Variants in CCBE1 observed in about 807,000 individuals in gnomAD.
CCBE1 encodes collagen and calcium binding EGF domains 1, also known as collagen and calcium-binding EGF domain-containing protein 1.
A neutral mutation model predicts 50.0 loss-of-function variants in CCBE1; 37 were observed. The observed-to-expected ratio is 0.74, with a 90% CI of 0.57 to 0.97. The LOEUF is 0.97. Among genes scored for constraint, CCBE1 ranks in the 50% least tolerant of loss-of-function variants. The pLI, the probability that CCBE1 is intolerant of heterozygous loss-of-function variation, is 0.00. For missense variants in CCBE1, 538 were observed against 523.8 expected, an observed-to-expected ratio of 1.03 and a Z score of -0.26; for synonymous variants, 234 against 203.7, an observed-to-expected ratio of 1.15 and a Z score of -1.27.
At chr18:59,443,602 G>T (rs945200056) in intron 7 of CCBE1, among the ~76,000 whole-genome samples, 1 of 150,994 alleles carries the variant, frequency 6.6e-6, no homozygotes, top group African/African-American at 2.5e-5. Context: ...AAGTAGATGG[G>T]ATTACAGGTG....
chr18:59,611,668 C>A (rs573470551), intron 2 of CCBE1, among the ~76,000 whole-genome samples: 1 of 152,190 alleles, frequency 6.6e-6, no homozygotes, highest in African/African-American at 2.4e-5. Flanking sequence ...ATCACTTGAA[C>A]CAGGGAGGCT....
chr18:59,619,771 C>A (rs2053687504), intron 2 of CCBE1, among the ~76,000 whole-genome samples: 1 of 151,298 alleles, frequency 6.6e-6, no homozygotes, highest in African/African-American at 2.5e-5. Flanking sequence ...GTTTTAAACT[C>A]AGTGATTTTT....
intron 2 of CCBE1, among the ~76,000 whole-genome samples, chr18:59,550,060 C>T (rs1375496622): frequency 6.6e-6 from 1 of 152,196 alleles, no homozygotes; most frequent in Non-Finnish European, 1.5e-5. Flanking sequence ...ATCTCTGGGT[C>T]CAATCCGGTT....
intron 2 of CCBE1, among the ~76,000 whole-genome samples, chr18:59,513,598 G>A (rs1364643580): frequency 6.6e-6 from 1 of 152,214 alleles, no homozygotes; most frequent in Non-Finnish European, 1.5e-5. Flanking sequence ...GGAAGACAGG[G>A]GTGATCTGCT....
At chr18:59,455,506 A>T (rs1911149616) in intron 5 of CCBE1, among the ~76,000 whole-genome samples, 1 of 152,190 alleles carries the variant, frequency 6.6e-6, no homozygotes, top group Non-Finnish European at 1.5e-5. Flanking sequence ...TCAGGACAGC[A>T]CTGGAAACGC....
In CCBE1 at chr18:59,494,019, G is replaced by C. The variant is rs548412990; in HGVS notation, c.213-13781C>G. Reference sequence around the variant, plus strand: ...CCACCATGATTGTGAGGCCTCCCCAGCCATGTGGAACTGTAAGTCCATCAA... The same window carrying C: ...CCACCATGATTGTGAGGCCTCCCCACCCATGTGGAACTGTAAGTCCATCAA... On this transcript the variant is annotated intron_variant, in intron 2 of 10. Coordinates refer to ENST00000439986, the MANE Select transcript of CCBE1 (RefSeq NM_133459.4). 8.5e-5 allele frequency among the ~76,000 whole-genome samples: 13 copies of C among 152,224 alleles called. No homozygotes were observed. The South Asian group carries it at 1.2e-3, about 15-fold the overall frequency.
chr18:59,692,956 G>A (rs1652073), intron 2 of CCBE1, among the ~76,000 whole-genome samples: 33,176 of 86,584 alleles, frequency 0.38, 4,373 homozygotes, highest in East Asian at 0.53. Context: ...TCAAGCCAAA[G>A]CACACACACA....
At chr18:59,498,071 G>A (rs1913439524) in intron 2 of CCBE1, among the ~76,000 whole-genome samples, 1 of 152,186 alleles carries the variant, frequency 6.6e-6, no homozygotes, top group African/African-American at 2.4e-5. Flanking sequence ...TGCCATGAGG[G>A]AGGCACCACG....
intron 2 of CCBE1, among the ~76,000 whole-genome samples, chr18:59,668,136 T>C (rs895409641): frequency 2.0e-5 from 3 of 152,022 alleles, no homozygotes; most frequent in African/African-American, 7.3e-5. Context: ...TTTAAAAAAA[T>C]TGGCCGGACA....
chr18:59,674,085 G>A (rs183431289), intron 2 of CCBE1, among the ~76,000 whole-genome samples: 3 of 152,186 alleles, frequency 2.0e-5, no homozygotes, highest in East Asian at 1.9e-4. Context: ...GCTCTTTTTG[G>A]TTGGTAGGCT....
chr18:59,580,854 G>A (rs888085569), intron 2 of CCBE1, among the ~76,000 whole-genome samples: 1 of 152,190 alleles, frequency 6.6e-6, no homozygotes, highest in African/African-American at 2.4e-5. Context: ...AGAGAATGCT[G>A]AAGTGGCCAT....
At chr18:59,557,225 A>G (rs1378243745) in intron 2 of CCBE1, among the ~76,000 whole-genome samples, 2 of 152,198 alleles carry the variant, frequency 1.3e-5, no homozygotes, top group Non-Finnish European at 2.9e-5. Flanking sequence ...ACTGGCATGG[A>G]TGCTAGCTTG....
intron 2 of CCBE1, among the ~76,000 whole-genome samples, chr18:59,551,831 C>T (rs541736059): frequency 6.6e-6 from 1 of 152,274 alleles, no homozygotes; most frequent in African/African-American, 2.4e-5. Flanking sequence ...AACCCTGGAG[C>T]AAGTTATTTA....
At chr18:59,614,728 A>G (rs2053616155) in intron 2 of CCBE1, among the ~76,000 whole-genome samples, 1 of 152,364 alleles carries the variant, frequency 6.6e-6, no homozygotes, top group East Asian at 1.9e-4. Context: ...TTCTGAACCC[A>G]TCTCCAAGAC....
At chr18:59,539,208 A>AC (rs200321971) in intron 2 of CCBE1, among the ~76,000 whole-genome samples, 3 of 133,078 alleles carry the variant, frequency 2.3e-5, no homozygotes, top group Non-Finnish European at 4.7e-5. Context: ...CACAAAAAAC[A>AC]AAAAAAAACA....
At chr18:59,541,593 C>T (rs949844747) in intron 2 of CCBE1, among the ~76,000 whole-genome samples, 3 of 152,034 alleles carry the variant, frequency 2.0e-5, no homozygotes, top group Admixed American at 2.0e-4. Flanking sequence ...TCAGATCTTC[C>T]GAGAAACAGG....
chr18:59,681,049 GA>G (rs34876275), intron 2 of CCBE1, among the ~76,000 whole-genome samples: 1,634 of 85,396 alleles, frequency 0.019, 12 homozygotes, highest in South Asian at 0.062. Context: ...ATTTGGCTGA[GA>G]AAAAAAAAAA....
intron 7 of CCBE1, among the ~76,000 whole-genome samples, chr18:59,446,076 A>C (rs1016431844): frequency 5.3e-5 from 8 of 152,204 alleles, no homozygotes; most frequent in African/African-American, 1.7e-4. Context: ...CACAAACACT[A>C]GAAGTTAAGA....
At chr18:59,610,700 G>T (rs921447303) in intron 2 of CCBE1, among the ~76,000 whole-genome samples, 3 of 152,194 alleles carry the variant, frequency 2.0e-5, no homozygotes, top group Non-Finnish European at 2.9e-5. Context: ...TTCCTAAGTG[G>T]GCTCCAGAGT....
Sources: allele counts gnomAD v4.1 joint callset (sites outside exome capture counted in the v4.1 genomes callset), GRCh38; gene constraint gnomAD v4.1.1; transcripts MANE v1.5; gene names NCBI Gene and HGNC (gene_info 2026-07-23, HGNC 2026-07-21).